The following PKD2L2 variants were observed in gnomAD, a reference collection of about 807,000 sequenced individuals.
The protein encoded by PKD2L2 is polycystin 2 like 2, transient receptor potential cation channel.
In PKD2L2, 67 loss-of-function variants were observed where a neutral mutation model predicts 83.9. That is an observed-to-expected ratio of 0.80 (90% CI 0.66 to 0.98). The LOEUF (loss-of-function observed/expected upper bound fraction) is 0.98. Among genes scored for constraint, PKD2L2 ranks in the 50% least tolerant of loss-of-function variants. The pLI, the probability that PKD2L2 is intolerant of heterozygous loss-of-function variation, is 0.00. For synonymous variants in PKD2L2, 223 were observed against 237.8 expected (o/e 0.94, Z 0.57); for missense variants, 632 against 717.2 (o/e 0.88, Z 1.36).
chr5:137,907,743 T>G lies in PKD2L2; in HGVS notation c.977T>G (p.Leu326Trp), dbSNP rs1026106997. Residue 326 changes from leucine to tryptophan, a missense_variant and splice_region_variant, in exon 7 of 15, where the codon TTG becomes TGG. Physicochemically the swap from Leu to Trp is moderately conservative, Grantham distance 61. This residue lies in a region of PKD2L2 where 399 missense variants were observed against 416.9 expected (regional missense o/e 0.96). Transcript: ENST00000508883. ...AACCCTTCTTATTTTCCCATTTAGT[T>G]GTGTTTTGTGGCTGTTTCCTTCAAC... ...WNWLELLLLL[L>W]CFVAVSFNTY... is the part of the protein sequence containing the mutation. 6.7e-7 allele frequency: 1 copy of G among 1,495,284 alleles called. No homozygotes were observed. The highest frequency in any genetic ancestry group is 2.1e-5 in the Admixed American group (1 of 48,310). 92.6% of individuals were successfully genotyped at this position (1,495,284 alleles called of 1,614,324 possible).
At chr5:137,932,421 C>A (rs1046902013) in intron 12 of PKD2L2, among the ~76,000 whole-genome samples, 2 of 151,746 alleles carry the variant, frequency 1.3e-5, no homozygotes, top group Non-Finnish European at 2.9e-5. Context: ...AGAGCCCACT[C>A]AGAAAGAAAC....
At chr5:137,891,583 T>TA (rs1448257777) in intron 2 of PKD2L2, among the ~76,000 whole-genome samples, 9 of 152,224 alleles carry the variant, frequency 5.9e-5, no homozygotes, top group African/African-American at 2.2e-4. Context: ...TTGGAAAATG[T>TA]AAAAATGTAA....
intron 8 of PKD2L2, among the ~76,000 whole-genome samples, chr5:137,916,909 T>C (rs1758409303): frequency 6.6e-6 from 1 of 152,204 alleles, no homozygotes; most frequent in Non-Finnish European, 1.5e-5. Flanking sequence ...CAAGATTCTC[T>C]GTCTTTGGCT....
chr5:137,938,528 T>C lies in PKD2L2; in HGVS notation c.*17+2101T>C, dbSNP rs3777119. On this transcript the variant is annotated intron_variant, in intron 14 of 14. Coordinates refer to ENST00000508883, the MANE Select transcript of PKD2L2 (RefSeq NM_001300921.2). ...CATCTTTTGGTATTTTCAATTTCACTTTTCTAGGTATACATTATGAATAAC... is the reference window on the plus strand; with the variant it reads ...CATCTTTTGGTATTTTCAATTTCACCTTTCTAGGTATACATTATGAATAAC... The C allele has an allele frequency of 3.7e-3, 569 of 152,716 alleles. 6 individuals are homozygous for C. Among genetic ancestry groups the C allele is most frequent in the Admixed American group, 0.01 (157 of 15,286 alleles). 9.5% of individuals were successfully genotyped at this position (152,716 alleles called of 1,614,324 possible). A position where few individuals can be genotyped will look rare whatever the true frequency, so the allele number is the denominator to read the frequency against.
intron 8 of PKD2L2, among the ~76,000 whole-genome samples, chr5:137,910,189 G>A (rs1757697506): frequency 1.3e-5 from 2 of 150,890 alleles, no homozygotes; most frequent in African/African-American, 4.9e-5. Flanking sequence ...TCACACCACT[G>A]CACTCCAGCA....
intron 8 of PKD2L2, among the ~76,000 whole-genome samples, chr5:137,909,485 T>A (rs2150024142): frequency 6.6e-6 from 1 of 152,024 alleles, no homozygotes; most frequent in East Asian, 1.9e-4. Context: ...TTACCTAAGA[T>A]AATAGAAATT....
Position 137,890,581 on chromosome 5 carries a change from A to G in PKD2L2, c.132A>G (p.Ile44Met). The change falls in exon 2 of 15, where the codon ATA becomes ATG. Residue 44 changes from isoleucine (I) to methionine (M), a missense_variant and splice_region_variant. Coordinates refer to ENST00000508883, the MANE Select transcript of PKD2L2 (RefSeq NM_001300921.2). ...TTATTTTTTTAATAAACCTATGTAT[A>G]TGTAAGTACACAGATATAAAGATGC... ...LYFIFLINLC[I>M]LTFGMVNPHM... The G allele has an allele frequency of 8.2e-7, 1 of 1,223,502 alleles. No individual in the cohort carries two copies. The allele number at this position is 1,223,502 out of a possible 1,614,324, so 75.8% of individuals were successfully genotyped here.
At position 137,936,330 on chromosome 5, in the gene PKD2L2, T is replaced by C; in HGVS notation, c.1795T>C (p.Tyr599His). Residue 599 changes from tyrosine to histidine, a missense_variant, in exon 14 of 15, where the codon TAT becomes CAT. This residue lies in a region of PKD2L2 where 399 missense variants were observed against 416.9 expected (regional missense o/e 0.96). Coordinates refer to ENST00000508883, the MANE Select transcript of PKD2L2 (RefSeq NM_001300921.2). ...TTCGAAATTTTCTAGACTTTTTTTATATGCTGTGGAGCTGGAGAAGGAATT... is the reference window on the plus strand; with the variant it reads ...TTCGAAATTTTCTAGACTTTTTTTACATGCTGTGGAGCTGGAGAAGGAATT... ...TQEEFRELFL[Y>H]AVELEKELHY... 7 of 1,530,844 alleles carry C rather than the reference T, an allele frequency of 4.6e-6. No homozygotes were observed. Among genetic ancestry groups the C allele is most frequent in the Non-Finnish European group, 6.1e-6 (7 of 1,141,920 alleles). The allele number at this position is 1,530,844 out of a possible 1,614,324, so 94.8% of individuals were successfully genotyped here. A position where few individuals can be genotyped will look rare whatever the true frequency, so the allele number is the denominator to read the frequency against.
chr5:137,917,869 A>T (rs1424503675), intron 8 of PKD2L2, among the ~76,000 whole-genome samples: 1 of 151,988 alleles, frequency 6.6e-6, no homozygotes, highest in African/African-American at 2.4e-5. Flanking sequence ...TTTAGATTCA[A>T]ACTTTGTATG....
intron 14 of PKD2L2, chr5:137,939,373 C>CATACTG (rs1347201886): frequency 2.0e-5 from 3 of 152,688 alleles, no homozygotes; most frequent in African/African-American, 7.2e-5. Flanking sequence ...AGAGTTCCTA[C>CATACTG]ATACTGACAT....
chr5:137,922,575 TA>T (rs1463025069), intron 9 of PKD2L2, among the ~76,000 whole-genome samples: 3 of 151,844 alleles, frequency 2.0e-5, no homozygotes, highest in South Asian at 2.1e-4. Flanking sequence ...CTGTCTCTAC[TA>T]AAAATACAAA....
intron 7 of PKD2L2, 62 bp downstream of exon 7, chr5:137,907,974 C>A: frequency 1.3e-6 from 1 of 753,174 alleles, no homozygotes; most frequent in Non-Finnish European, 1.9e-6. Flanking sequence ...AAAAATTAAA[C>A]TAAAAAGCCA....
chr5:137,909,331 ATT>A (rs1757618119), intron 8 of PKD2L2, among the ~76,000 whole-genome samples: 1 of 152,012 alleles, frequency 6.6e-6, no homozygotes, highest in East Asian at 1.9e-4. Context: ...CCTGGCTGAT[ATT>A]TTCACTGATG....
At chr5:137,939,026 C>T (rs896664449) in intron 14 of PKD2L2, 1 of 151,986 alleles carries the variant, frequency 6.6e-6, no homozygotes, top group Admixed American at 6.6e-5. Flanking sequence ...CAGAATGATA[C>T]CGAGACAGTA....
In PKD2L2 at chr5:137,891,844, C is replaced by T. The variant is rs572435306; in HGVS notation, c.134-636C>T. 1.6e-4 allele frequency among the ~76,000 whole-genome samples: 24 copies of T among 152,138 alleles called. No homozygotes were observed. In the South Asian group the frequency reaches 2.9e-3, roughly 18 times the overall value. Reference sequence around the variant, plus strand: ...GATTACAGGCCTGTGCCACCACGCCCGGCTAATTTTGTATGTTTTTAGTAG... The same window carrying T: ...GATTACAGGCCTGTGCCACCACGCCTGGCTAATTTTGTATGTTTTTAGTAG... On this transcript the variant is annotated intron_variant, in intron 2 of 14. Transcript: ENST00000508883.
At chr5:137,921,573 T>G in intron 8 of PKD2L2, 63 bp from the exon 9 acceptor site, 1 of 1,011,362 alleles carries the variant, frequency 9.9e-7, no homozygotes, top group Middle Eastern at 2.5e-4. Flanking sequence ...CATTAGTAAC[T>G]CCCATCAGTT....
At chr5:137,917,865 T>C (rs1414893573) in intron 8 of PKD2L2, among the ~76,000 whole-genome samples, 1 of 152,184 alleles carries the variant, frequency 6.6e-6, no homozygotes, top group Non-Finnish European at 1.5e-5. Flanking sequence ...AATTTTTAGA[T>C]TCAAACTTTG....
intron 12 of PKD2L2, among the ~76,000 whole-genome samples, chr5:137,928,677 C>T (rs1759587345): frequency 6.6e-6 from 1 of 152,224 alleles, no homozygotes; most frequent in Admixed American, 6.5e-5. Flanking sequence ...AGTGATCCAC[C>T]CGCCTTGGCC....
chr5:137,890,416 T>C (rs1755859609), intron 1 of PKD2L2, 65 bp from the exon 2 acceptor site: 1 of 837,104 alleles, frequency 1.2e-6, no homozygotes, highest in Admixed American at 2.4e-5. Context: ...GCTGTGGTTT[T>C]TCCATTGTTG....
Sources: gnomAD v4.1 joint callset for allele counts (sites outside exome capture counted in the v4.1 genomes callset) on GRCh38, gnomAD v4.1.1 for gene constraint, gnomAD v4.1.1 regional missense constraint, MANE v1.5 for transcripts, NCBI Gene and HGNC (gene_info 2026-07-23, HGNC 2026-07-21) for gene names.